Variants in DNAH17 observed in about 807,000 individuals in gnomAD.
DNAH17 encodes the protein dynein axonemal heavy chain 17, also known as axonemal beta dynein heavy chain 17.
In DNAH17, 376 loss-of-function variants were observed where a neutral mutation model predicts 485.6. That is an observed-to-expected ratio of 0.77 (90% confidence interval 0.71 to 0.84). The LOEUF (loss-of-function observed/expected upper bound fraction) is 0.84, where lower values mean the gene tolerates loss of function less well. Ranked by LOEUF, DNAH17 falls within the 40% of genes least tolerant of loss-of-function variation. The pLI, the probability that DNAH17 is intolerant of heterozygous loss-of-function variation, is 0.00. For missense variants in DNAH17, 6,370 were observed against 5,839.3 expected (o/e 1.09, Z -2.96); for synonymous variants, 3,031 against 2,405.9 (o/e 1.26, Z -7.60).
intron 1 of DNAH17, among the ~76,000 whole-genome samples, chr17:78,576,827 A>T (rs1598759509): frequency 6.6e-6 from 1 of 152,074 alleles, no homozygotes; most frequent in South Asian, 2.1e-4. Flanking sequence ...GGGCCCCTAC[A>T]CCCCGCAAGT....
rs770764986 is a variant in DNAH17, at chr17:78,501,893, C to T, written c.5191-20G>A. 1.1e-5 allele frequency: 17 copies of T among 1,613,450 alleles called. No homozygotes were observed. Among genetic ancestry groups the T allele is most frequent in the Middle Eastern group, 1.6e-4 (1 of 6,084 alleles). ...GCTAATCTGCGGGGGAGAGTGCCTT[C>T]GATGAGACACCACGGGTGCCCACAT... On this transcript the variant is annotated intron_variant, in intron 33 of 80. Transcript: ENST00000389840.
At chr17:78,553,283 G>GGTGTTTTTTTTTT (rs2091944708) in intron 14 of DNAH17, among the ~76,000 whole-genome samples, 1 of 51,018 alleles carries the variant, frequency 2.0e-5, no homozygotes, top group African/African-American at 9.0e-5. Flanking sequence ...AGGTTTTTGT[G>GGTGTTTTTTTTTT]TTTTTTTTTT....
chr17:78,535,988 G>A (rs560592047), intron 19 of DNAH17, among the ~76,000 whole-genome samples: 1 of 152,110 alleles, frequency 6.6e-6, no homozygotes, highest in South Asian at 2.1e-4. Context: ...CTTAAGCGGG[G>A]AGCTGAATTT....
intron 18 of DNAH17, among the ~76,000 whole-genome samples, 166 bp from the exon 19 acceptor site, chr17:78,537,647 G>A (rs906615438): frequency 6.6e-6 from 1 of 152,144 alleles, no homozygotes; most frequent in South Asian, 2.1e-4. Flanking sequence ...TTGAGCAATC[G>A]CTACAGAGCC....
At chr17:78,525,789 C>T (rs751602918) in intron 24 of DNAH17, among the ~76,000 whole-genome samples, 25 of 152,344 alleles carry the variant, frequency 1.6e-4, no homozygotes, top group Admixed American at 9.8e-4. Flanking sequence ...AAATCCAGCC[C>T]GGGGCCCTAG....
Position 78,454,612 on chromosome 17 carries a change from C to T in DNAH17, c.10264G>A (p.Asp3422Asn), listed in dbSNP as rs145818196. ...ATWNNQGLPS[D>N]RMSTENATIL... ...GTGGCATTCTCGGTGGACATGCGGTCGCTGGGGAGGCCCTGGTTGTTCCAG... is the reference window on the plus strand; with the variant it reads ...GTGGCATTCTCGGTGGACATGCGGTTGCTGGGGAGGCCCTGGTTGTTCCAG... The change falls in exon 64 of 81, where the codon GAC (aspartate) becomes AAC (asparagine). Residue 3422 changes from aspartate (D) to asparagine (N), a missense_variant. Physicochemically the swap from Asp to Asn is conservative, Grantham distance 23 (BLOSUM62 1). Transcript: ENST00000389840. 467 of 1,613,032 alleles carry T rather than the reference C, an allele frequency of 2.9e-4. No individual in the cohort carries two copies. The highest frequency in any genetic ancestry group is 3.7e-4 in the Non-Finnish European group (432 of 1,179,882).
chr17:78,444,569 C>T (rs1481935058), intron 71 of DNAH17, 35 bp downstream of exon 71: 28 of 1,521,790 alleles, frequency 1.8e-5, no homozygotes, highest in Non-Finnish European at 2.2e-5. Flanking sequence ...GCCTGGGCCT[C>T]GGGGGCGGGG....
chr17:78,467,401 A>T (rs1332633202), intron 55 of DNAH17, among the ~76,000 whole-genome samples: 1 of 152,184 alleles, frequency 6.6e-6, no homozygotes, highest in Non-Finnish European at 1.5e-5. Flanking sequence ...TGCTTAGCTG[A>T]CTTTGCACCC....
chr17:78,480,353 C>G (rs2089297014), intron 49 of DNAH17, among the ~76,000 whole-genome samples: 1 of 149,992 alleles, frequency 6.7e-6, no homozygotes, highest in South Asian at 2.1e-4. Flanking sequence ...AGCCTCAAAA[C>G]AAAAACAAAA....
intron 25 of DNAH17, among the ~76,000 whole-genome samples, chr17:78,521,419 A>T (rs1055551402): frequency 3.3e-5 from 5 of 152,028 alleles, no homozygotes; most frequent in African/African-American, 1.2e-4. Context: ...AGAAAAAAAG[A>T]ATTTTTTTTA....
chr17:78,484,739 A>ACCCCCCCGGC, intron 48 of DNAH17, 129 bp downstream of exon 48: 3 of 347,796 alleles, frequency 8.6e-6, no homozygotes, highest in Non-Finnish European at 1.4e-5. Flanking sequence ...ACGTTGCAGC[A>ACCCCCCCGGC]CCCCCCCCAC....
At chr17:78,559,387 C>T (rs1307095469) in intron 13 of DNAH17, among the ~76,000 whole-genome samples, 1 of 152,210 alleles carries the variant, frequency 6.6e-6, no homozygotes, top group Non-Finnish European at 1.5e-5. Context: ...AATGGCAATT[C>T]TACCTGTCTA....
intron 73 of DNAH17, among the ~76,000 whole-genome samples, chr17:78,438,429 A>AGGGAGGAGGAGGAG (rs530524190): frequency 2.0e-4 from 1 of 4,964 alleles, no homozygotes; most frequent in Non-Finnish European, 3.8e-4. Context: ...GAGGAGAAGG[A>AGGGAGGAGGAGGAG]GGAGGAGGAG....
intron 48 of DNAH17, among the ~76,000 whole-genome samples, chr17:78,482,202 A>G (rs1000598445): frequency 6.6e-6 from 1 of 150,554 alleles, no homozygotes; most frequent in Non-Finnish European, 1.5e-5. Context: ...TCAGCCTCAC[A>G]CTACCATGCC....
intron 14 of DNAH17, among the ~76,000 whole-genome samples, chr17:78,553,651 C>A (rs150300636): frequency 6.6e-6 from 1 of 152,064 alleles, no homozygotes. Context: ...ATTTGGAAAT[C>A]GTATTTCAGG....
rs1414479694 is a variant in DNAH17 at position 78,574,924 on chromosome 17, T to C, written c.134A>G (p.Glu45Gly). The change falls in exon 2 of 81, where the codon GAA becomes GGA. Residue 45 changes from glutamate to glycine, a missense_variant. Coordinates refer to ENST00000389840, the MANE Select transcript of DNAH17 (RefSeq NM_173628.4). ...ENVALFTEFF[E>G]KPDVQVLVLT... Reference sequence around the variant, plus strand: ...CACCAGCACCTGGACGTCGGGCTTTTCAAAGAACTCTGTGAACAGGGCCAC... The same window carrying C: ...CACCAGCACCTGGACGTCGGGCTTTCCAAAGAACTCTGTGAACAGGGCCAC... 1.2e-6 allele frequency: 2 copies of C among 1,614,020 alleles called. No individual in the cohort carries two copies. The highest frequency in any genetic ancestry group is 1.7e-5 in the Admixed American group (1 of 60,022).
At chr17:78,483,605 G>A (rs937118310) in intron 48 of DNAH17, among the ~76,000 whole-genome samples, 2 of 151,098 alleles carry the variant, frequency 1.3e-5, no homozygotes, top group Non-Finnish European at 2.9e-5. Flanking sequence ...ACTCCAGCCT[G>A]GGCAGCAAGA....
rs113940612 is a variant in DNAH17, at chr17:78,462,834, C to G, written c.9174+10G>C. 171 of 1,613,710 alleles carry G rather than the reference C, an allele frequency of 1.1e-4. No individual in the cohort carries two copies. In the African/African-American group the frequency reaches 1.9e-3, roughly 18 times the overall value. On this transcript the variant is annotated intron_variant, in intron 57 of 80. Coordinates refer to ENST00000389840, the MANE Select transcript of DNAH17 (RefSeq NM_173628.4). ...GGCACAGGAGCTGGCAGCCAGCCCC[C>G]CTCTCCTACCTGGGAAGCCGTGCTC...
chr17:78,453,511 A>G (rs1568072370), intron 64 of DNAH17, 46 bp from the exon 65 acceptor site: 2 of 1,610,746 alleles, frequency 1.2e-6, no homozygotes, highest in Non-Finnish European at 1.7e-6. Flanking sequence ...GGGCCTCGTG[A>G]TGGAACGGTG....
Sources: allele counts gnomAD v4.1 joint callset (sites outside exome capture counted in the v4.1 genomes callset), GRCh38; gene constraint gnomAD v4.1.1; transcripts MANE v1.5; gene names NCBI Gene and HGNC (gene_info 2026-07-23, HGNC 2026-07-21).